SLC25A21: variants seen among roughly 807,000 people sequenced by gnomAD.
SLC25A21 encodes mitochondrial 2-oxodicarboxylate carrier.
In SLC25A21, 47 loss-of-function variants were observed where a neutral mutation model predicts 43.8. That is an observed-to-expected ratio of 1.07 (90% CI 0.85 to 1.37). The LOEUF (loss-of-function observed/expected upper bound fraction) is 1.37. SLC25A21 is among the 40% of genes most tolerant of loss of function. SLC25A21 has a pLI of 0.00. For missense variants in SLC25A21, 352 were observed against 350.2 expected (o/e 1.00, Z -0.04); for synonymous variants, 131 against 121.3 (o/e 1.08, Z -0.52).
intron 1 of SLC25A21, among the ~76,000 whole-genome samples, chr14:37,137,467 C>T (rs1205663775): frequency 6.6e-6 from 1 of 152,082 alleles, no homozygotes; most frequent in Non-Finnish European, 1.5e-5. Flanking sequence ...TATATGCCAG[C>T]TTAAAAAGAA....
intron 1 of SLC25A21, among the ~76,000 whole-genome samples, chr14:36,925,294 C>A (rs1892099997): frequency 6.6e-6 from 1 of 152,054 alleles, no homozygotes; most frequent in East Asian, 1.9e-4. Flanking sequence ...CAGTGGTTGT[C>A]CAATTAAATT....
At chr14:37,038,285 CCTTAT>C (rs1285253750) in intron 1 of SLC25A21, among the ~76,000 whole-genome samples, 1 of 152,096 alleles carries the variant, frequency 6.6e-6, no homozygotes, top group Non-Finnish European at 1.5e-5. Flanking sequence ...GGTATACCTA[CCTTAT>C]ATTTGTTGGT....
intron 3 of SLC25A21, among the ~76,000 whole-genome samples, chr14:36,796,387 CTT>C (rs1304163941): frequency 0.05 from 5,058 of 101,866 alleles, 222 homozygotes; most frequent in African/African-American, 0.15. Flanking sequence ...CTCTCTTTCT[CTT>C]TCTTTCTCTT....
chr14:37,036,072 C>T (rs1239819606), intron 1 of SLC25A21, among the ~76,000 whole-genome samples: 2 of 152,142 alleles, frequency 1.3e-5, no homozygotes, highest in Non-Finnish European at 2.9e-5. Flanking sequence ...ATGGCTTTTA[C>T]TCCCACCTTG....
chr14:37,121,705 C>T (rs1216225853), intron 1 of SLC25A21, among the ~76,000 whole-genome samples: 2 of 151,998 alleles, frequency 1.3e-5, no homozygotes, highest in Non-Finnish European at 2.9e-5. Flanking sequence ...GGAAAAATTG[C>T]TTTATTCTGG....
intron 1 of SLC25A21, among the ~76,000 whole-genome samples, chr14:36,948,041 T>C (rs981704773): frequency 6.6e-6 from 1 of 152,142 alleles, no homozygotes. Context: ...CACAGAAAAA[T>C]ATATGGCATT....
At chr14:36,916,006 C>T (rs1428657286) in intron 1 of SLC25A21, among the ~76,000 whole-genome samples, 1 of 152,142 alleles carries the variant, frequency 6.6e-6, no homozygotes, top group Non-Finnish European at 1.5e-5. Flanking sequence ...AGAGTGGATC[C>T]ACAAGGATTT....
At chr14:36,860,556 C>T (rs532422991) in intron 2 of SLC25A21, among the ~76,000 whole-genome samples, 1 of 152,226 alleles carries the variant, frequency 6.6e-6, no homozygotes, top group East Asian at 1.9e-4. Flanking sequence ...TTACACTCCC[C>T]CTGGACACTG....
chr14:36,967,497 C>T (rs1409091944), intron 1 of SLC25A21, among the ~76,000 whole-genome samples: 2 of 152,140 alleles, frequency 1.3e-5, no homozygotes, highest in African/African-American at 4.8e-5. Flanking sequence ...AGTTTTTGTG[C>T]ACCTGTTAAT....
chr14:37,160,455 A>C (rs1003407116), intron 1 of SLC25A21, among the ~76,000 whole-genome samples: 3 of 152,228 alleles, frequency 2.0e-5, no homozygotes, highest in Non-Finnish European at 2.9e-5. Flanking sequence ...CTTAAGAGAA[A>C]TAAGCCAGGC....
At chr14:37,065,144 T>C (rs374048965) in intron 1 of SLC25A21, among the ~76,000 whole-genome samples, 26 of 152,122 alleles carry the variant, frequency 1.7e-4, no homozygotes, top group African/African-American at 6.3e-4. Context: ...AAAGGATTTG[T>C]TCAGAGAAGC....
chr14:37,048,072 C>T (rs72667397), intron 1 of SLC25A21, among the ~76,000 whole-genome samples: 1 of 152,284 alleles, frequency 6.6e-6, no homozygotes, highest in Non-Finnish European at 1.5e-5. Context: ...TGTTCAAACG[C>T]TCCTTTCCAG....
At chr14:36,762,753 C>T (rs1005104833) in intron 3 of SLC25A21, among the ~76,000 whole-genome samples, 1 of 152,154 alleles carries the variant, frequency 6.6e-6, no homozygotes, top group African/African-American at 2.4e-5. Flanking sequence ...TTATGCCCAT[C>T]TCCTTGAGTT....
At chr14:36,861,178 A>G (rs1890055027) in intron 2 of SLC25A21, among the ~76,000 whole-genome samples, 1 of 152,228 alleles carries the variant, frequency 6.6e-6, no homozygotes, top group South Asian at 2.1e-4. Flanking sequence ...TGATTTTCCA[A>G]GAATGTTAAA....
At chr14:36,724,558 C>G (rs541795007) in intron 6 of SLC25A21, among the ~76,000 whole-genome samples, 2 of 152,330 alleles carry the variant, frequency 1.3e-5, no homozygotes, top group African/African-American at 4.8e-5. Context: ...ACCTGGAATG[C>G]CAATCCCCTT....
At chr14:36,751,755 G>C (rs542523763) in intron 3 of SLC25A21, among the ~76,000 whole-genome samples, 16 of 152,170 alleles carry the variant, frequency 1.1e-4, no homozygotes, top group African/African-American at 3.1e-4. Flanking sequence ...CAATTATCAA[G>C]TCCAGAAGCT....
chr14:36,820,745 G>A (rs1435518962), intron 2 of SLC25A21, among the ~76,000 whole-genome samples: 1 of 152,174 alleles, frequency 6.6e-6, no homozygotes, highest in Non-Finnish European at 1.5e-5. Flanking sequence ...CTTTCTAGAG[G>A]TGGGAGACTG....
intron 3 of SLC25A21, among the ~76,000 whole-genome samples, chr14:36,736,492 AG>A (rs1885044743): frequency 6.6e-6 from 1 of 152,198 alleles, no homozygotes; most frequent in African/African-American, 2.4e-5. Context: ...GACCAAGCAT[AG>A]GTTGGTCTTC....
At chr14:37,123,078 T>A (rs971197760) in intron 1 of SLC25A21, among the ~76,000 whole-genome samples, 1 of 152,186 alleles carries the variant, frequency 6.6e-6, no homozygotes, top group Non-Finnish European at 1.5e-5. Context: ...ATATTACGAA[T>A]GAGAAGAATG....
Sources: gnomAD v4.1 joint callset for allele counts (sites outside exome capture counted in the v4.1 genomes callset) on GRCh38, gnomAD v4.1.1 for gene constraint, MANE v1.5 for transcripts, NCBI Gene and HGNC (gene_info 2026-07-23, HGNC 2026-07-21) for gene names.